The following HSD17B4 variants were observed in gnomAD, a reference collection of about 807,000 sequenced individuals.
The protein encoded by HSD17B4 is peroxisomal multifunctional enzyme type 2.
Under a neutral mutation model 101.0 loss-of-function variants are expected in HSD17B4, and 70 were observed. The observed-to-expected ratio is 0.69, with a 90% confidence interval of 0.57 to 0.85. The LOEUF (loss-of-function observed/expected upper bound fraction) is 0.85. Ranked by LOEUF, HSD17B4 falls within the 40% of genes least tolerant of loss-of-function variation. HSD17B4 has a pLI of 0.00. For synonymous variants in HSD17B4, 347 were observed against 297.1 expected (o/e 1.17, Z -1.73); for missense variants, 984 against 892.4 (o/e 1.10, Z -1.31).
chr5:119,529,567 TGCCCAAAATACCAAG>T (rs6149208), intron 20 of HSD17B4, among the ~76,000 whole-genome samples: 41,834 of 151,882 alleles, frequency 0.28, 7,206 homozygotes, highest in East Asian at 0.4. Context: ...CCCCAAAAAA[TGCCCAAAATACCAAG>T]GCCCAGTCTC....
chr5:119,492,313 C>T (rs1465421717), intron 10 of HSD17B4, 189 bp downstream of exon 10: 1 of 614,932 alleles, frequency 1.6e-6, no homozygotes, highest in East Asian at 2.8e-5. Context: ...GGTCTGTGGC[C>T]CTTTCAAGAC....
chr5:119,528,509 T>A (rs1212175198), intron 20 of HSD17B4, among the ~76,000 whole-genome samples: 2 of 152,210 alleles, frequency 1.3e-5, no homozygotes, highest in East Asian at 3.8e-4. Context: ...TACCCATAGA[T>A]ACACTCAAAT....
chr5:119,540,689 T>C (rs1754916461), intron 23 of HSD17B4, among the ~76,000 whole-genome samples: 1 of 152,220 alleles, frequency 6.6e-6, no homozygotes, highest in South Asian at 2.1e-4. Flanking sequence ...TCTCTCTGAC[T>C]ATTTCTGGAA....
chr5:119,532,530 A>G (rs145195171), intron 22 of HSD17B4, among the ~76,000 whole-genome samples: 3 of 152,196 alleles, frequency 2.0e-5, no homozygotes, highest in Admixed American at 6.5e-5. Flanking sequence ...TGTTTATTGT[A>G]TGGATAGTGA....
At chr5:119,509,034 G>A (rs1277668317) in intron 15 of HSD17B4, 107 bp from the exon 16 acceptor site, 3 of 713,742 alleles carry the variant, frequency 4.2e-6, no homozygotes, top group Admixed American at 2.1e-5. Context: ...TTCAGTAATT[G>A]GATTTTGTTT....
At chr5:119,487,474 AT>A (rs1290503529) in intron 8 of HSD17B4, 2 of 151,566 alleles carry the variant, frequency 1.3e-5, no homozygotes, top group East Asian at 3.9e-4. Flanking sequence ...CTGATCTTTT[AT>A]TTACTCTCTT....
chr5:119,495,047 T>A (rs1561459591), intron 11 of HSD17B4, among the ~76,000 whole-genome samples: 1 of 151,960 alleles, frequency 6.6e-6, no homozygotes, highest in Admixed American at 6.6e-5. Context: ...CGGTTTTTTT[T>A]TTCTCCTTAA....
chr5:119,492,017 G>C, intron 9 of HSD17B4, 83 bp from the exon 10 acceptor site: 1 of 1,023,950 alleles, frequency 9.8e-7, no homozygotes, highest in Non-Finnish European at 1.6e-6. Flanking sequence ...TGCTAGTAGA[G>C]GAGCTGACTT....
At chr5:119,455,078 A>C (rs1208863518) in intron 1 of HSD17B4, among the ~76,000 whole-genome samples, 2 of 152,272 alleles carry the variant, frequency 1.3e-5, no homozygotes, top group African/African-American at 4.8e-5. Context: ...ATATACACAT[A>C]TTAAAAAATG....
intron 2 of HSD17B4, among the ~76,000 whole-genome samples, chr5:119,458,417 C>T (rs879681653): frequency 6.6e-6 from 1 of 150,924 alleles, no homozygotes; most frequent in Non-Finnish European, 1.5e-5. Context: ...GATCTTGGCT[C>T]ACTGCAACGT....
intron 2 of HSD17B4, among the ~76,000 whole-genome samples, chr5:119,461,264 A>T (rs1470700833): frequency 2.6e-5 from 4 of 152,332 alleles, no homozygotes; most frequent in Admixed American, 2.6e-4. Context: ...ACAAATCTAT[A>T]AGCAAGTATC....
intron 8 of HSD17B4, among the ~76,000 whole-genome samples, chr5:119,481,059 A>G (rs1448808013): frequency 6.6e-6 from 1 of 152,160 alleles, no homozygotes; most frequent in Admixed American, 6.5e-5. Context: ...CAATTGGTGC[A>G]GTTAATGCAA....
At chr5:119,475,069 C>G (rs574894966) in intron 4 of HSD17B4, among the ~76,000 whole-genome samples, 1 of 152,034 alleles carries the variant, frequency 6.6e-6, no homozygotes, top group African/African-American at 2.4e-5. Context: ...TGAATGTGCT[C>G]TCCCTTTTTT....
intron 16 of HSD17B4, among the ~76,000 whole-genome samples, chr5:119,514,038 C>T (rs1362606908): frequency 6.6e-6 from 1 of 152,152 alleles, no homozygotes; most frequent in Non-Finnish European, 1.5e-5. Context: ...AGATTGAAGT[C>T]AGGTCCTCCA....
chr5:119,468,254 C>CT (rs1756008780), intron 2 of HSD17B4, among the ~76,000 whole-genome samples: 1 of 152,130 alleles, frequency 6.6e-6, no homozygotes, highest in Non-Finnish European at 1.5e-5. Flanking sequence ...CATCCTTTCA[C>CT]TTTCAAGTGT....
intron 2 of HSD17B4, chr5:119,464,479 T>C (rs976145865): frequency 5.3e-5 from 8 of 152,244 alleles, no homozygotes; most frequent in African/African-American, 1.9e-4. Flanking sequence ...GGCACCTTTG[T>C]AGAAAATCAA....
In HSD17B4 at chr5:119,493,882, A is replaced by G; in HGVS notation, c.804A>G (p.Ala268=). The change falls in exon 11 of 24, where the codon GCA becomes GCG. Residue 268 remains alanine (A), a synonymous_variant. Transcript: ENST00000510025. ...AGAATCACCCAATGACTCCTGAGGC[A>G]GTCAAGGCTAACTGGAAGAAGATCT... ...RQKNHPMTPE[A]VKANWKKICD... is the part of the protein sequence containing the mutation. 6.2e-7 allele frequency: 1 copy of G among 1,613,296 alleles called. No individual in the cohort carries two copies. The highest frequency in any genetic ancestry group is 8.5e-7 in the Non-Finnish European group (1 of 1,179,386).
At chr5:119,463,306 G>A (rs558158793) in intron 2 of HSD17B4, among the ~76,000 whole-genome samples, 2 of 152,252 alleles carry the variant, frequency 1.3e-5, no homozygotes, top group East Asian at 3.9e-4. Context: ...GAATAGTGCT[G>A]CAGTAAACAT....
chr5:119,507,744 A>C (rs957816406), intron 15 of HSD17B4, among the ~76,000 whole-genome samples: 1 of 151,752 alleles, frequency 6.6e-6, no homozygotes, highest in Non-Finnish European at 1.5e-5. Flanking sequence ...AGATTGTGCC[A>C]CTGCACTCCA....
Sources: gnomAD v4.1 joint callset for allele counts (sites outside exome capture counted in the v4.1 genomes callset) on GRCh38, gnomAD v4.1.1 for gene constraint, MANE v1.5 for transcripts, NCBI Gene and HGNC (gene_info 2026-07-23, HGNC 2026-07-21) for gene names.